Variants in CTNNA3 observed in about 807,000 individuals in gnomAD.
CTNNA3 encodes catenin alpha 3.
CTNNA3 carries 76 observed loss-of-function variants against 95.7 expected under a neutral mutation model. That is an observed-to-expected ratio of 0.79 (90% confidence interval 0.66 to 0.96). The LOEUF (loss-of-function observed/expected upper bound fraction) is 0.96. Among genes scored for constraint, CTNNA3 ranks in the 40% least tolerant of loss-of-function variants. The pLI, the probability that CTNNA3 is intolerant of heterozygous loss-of-function variation, is 0.00. For synonymous variants in CTNNA3, 431 were observed against 374.4 expected (o/e 1.15, Z -1.74); for missense variants, 1,191 against 1,089.8 (o/e 1.09, Z -1.31).
chr10:66,549,981 G>A (rs1309014486), intron 10 of CTNNA3, among the ~76,000 whole-genome samples: 5 of 152,044 alleles, frequency 3.3e-5, no homozygotes, highest in Non-Finnish European at 5.9e-5. Context: ...AGATAAAGAC[G>A]TATCTTTAAT....
chr10:66,876,641 G>A (rs1844633078), intron 7 of CTNNA3, among the ~76,000 whole-genome samples: 2 of 151,932 alleles, frequency 1.3e-5, no homozygotes, highest in African/African-American at 4.8e-5. Context: ...GGCCTTATTA[G>A]AATTTTTTTT....
intron 7 of CTNNA3, among the ~76,000 whole-genome samples, chr10:67,113,528 C>T (rs937003818): frequency 2.0e-5 from 3 of 152,136 alleles, no homozygotes; most frequent in African/African-American, 4.8e-5. Flanking sequence ...CTCAGGTGAT[C>T]GGTTAGAGTC....
At chr10:66,495,472 T>C (rs920281419) in intron 11 of CTNNA3, among the ~76,000 whole-genome samples, 9 of 152,186 alleles carry the variant, frequency 5.9e-5, no homozygotes, top group Admixed American at 1.3e-4. Context: ...ATTGTTTATA[T>C]ATTTTGTTAG....
intron 13 of CTNNA3, among the ~76,000 whole-genome samples, chr10:66,252,784 G>A (rs1349172202): frequency 2.6e-5 from 4 of 152,272 alleles, no homozygotes; most frequent in South Asian, 4.1e-4. Context: ...AGGAACCATC[G>A]GAGGATGATG....
intron 15 of CTNNA3, among the ~76,000 whole-genome samples, chr10:66,010,891 T>A (rs2078993009): frequency 6.6e-6 from 1 of 152,186 alleles, no homozygotes; most frequent in Non-Finnish European, 1.5e-5. Flanking sequence ...GTTTGGGTCT[T>A]GAAAACTAGA....
chr10:67,579,014 TATATATATATATATATATAC>T (rs1182719396), intron 3 of CTNNA3, among the ~76,000 whole-genome samples: 2,290 of 119,204 alleles, frequency 0.019, 42 homozygotes, highest in South Asian at 0.048. Context: ...TATATATATA[TATATATATATATATATATAC>T]ACACACACAC....
At chr10:66,785,434 T>C (rs1232182253) in intron 7 of CTNNA3, among the ~76,000 whole-genome samples, 1 of 152,192 alleles carries the variant, frequency 6.6e-6, no homozygotes, top group African/African-American at 2.4e-5. Flanking sequence ...GTTGAGGGGC[T>C]GGGTAGAACA....
chr10:66,926,064 G>A (rs755949685), intron 7 of CTNNA3: 7 of 457,228 alleles, frequency 1.5e-5, no homozygotes, highest in Admixed American at 2.3e-5. Flanking sequence ...CAGAATGACA[G>A]TCTGCAGAAG....
At position 65,966,624 on chromosome 10, in the gene CTNNA3, G is replaced by A; in HGVS notation, c.2388C>T (p.Leu796=). Residue 796 remains leucine (L), a synonymous_variant, in exon 17 of 18, where the codon CTC becomes CTT. Coordinates refer to ENST00000433211, the MANE Select transcript of CTNNA3 (RefSeq NM_013266.4). The part of the protein sequence containing the change: ...KAEIQNLGGE[L]IMSALDSVTS... ...AGGCAGTACTCACAGCTGACATGATGAGCTCTCCTCCCAGGTTCTGGATCT... is the reference window on the plus strand; with the variant it reads ...AGGCAGTACTCACAGCTGACATGATAAGCTCTCCTCCCAGGTTCTGGATCT... 5.0e-6 allele frequency: 8 copies of A among 1,613,584 alleles called. No homozygotes were observed. Among genetic ancestry groups the A allele is most frequent in the Non-Finnish European group, 6.8e-6 (8 of 1,179,666 alleles).
rs142775909 is a variant in CTNNA3 at position 65,934,461 on chromosome 10, A to T, written c.2401-13844T>A. On this transcript the variant is annotated intron_variant, in intron 17 of 17. Transcript: ENST00000433211. ...CAGGTCATAACTTTACTTAAGCATGACTAGTCCATTTGCTGTTGCTCATCT... is the reference window on the plus strand; with the variant it reads ...CAGGTCATAACTTTACTTAAGCATGTCTAGTCCATTTGCTGTTGCTCATCT... Among the ~76,000 whole-genome samples the T allele has an allele frequency of 3.0e-4, 45 of 152,230 alleles. 1 individual carries two copies. Among genetic ancestry groups the T allele is most frequent in the African/African-American group, 1.1e-3 (44 of 41,556 alleles).
At chr10:67,166,364 GT>G (rs898280880) in intron 7 of CTNNA3, among the ~76,000 whole-genome samples, 2 of 151,586 alleles carry the variant, frequency 1.3e-5, no homozygotes, top group South Asian at 2.1e-4. Flanking sequence ...AGCTTTCTTG[GT>G]TTTTTTTCAC....
chr10:67,561,092 T>C (rs1841493512), intron 3 of CTNNA3, among the ~76,000 whole-genome samples: 1 of 146,396 alleles, frequency 6.8e-6, no homozygotes, highest in African/African-American at 2.7e-5. Flanking sequence ...GACAGAAAGT[T>C]AACAAGGATA....
intron 3 of CTNNA3, among the ~76,000 whole-genome samples, chr10:67,583,010 C>T (rs10997736): frequency 0.13 from 19,134 of 151,500 alleles, 2,229 homozygotes; most frequent in African/African-American, 0.3. Context: ...TGACTCTTTA[C>T]CCAATTTGCC....
chr10:67,327,237 C>T (rs1841576600), intron 5 of CTNNA3, among the ~76,000 whole-genome samples: 1 of 152,178 alleles, frequency 6.6e-6, no homozygotes, highest in African/African-American at 2.4e-5. Context: ...TTTCAGCCAT[C>T]TCAATCCAGT....
chr10:66,424,549 C>T (rs1215545672), intron 11 of CTNNA3, among the ~76,000 whole-genome samples: 1 of 151,956 alleles, frequency 6.6e-6, no homozygotes, highest in African/African-American at 2.4e-5. Flanking sequence ...TTTTCTTTTA[C>T]ATATTAGATA....
intron 7 of CTNNA3, among the ~76,000 whole-genome samples, chr10:67,064,019 C>T (rs969650299): frequency 3.9e-5 from 6 of 152,156 alleles, no homozygotes; most frequent in African/African-American, 9.7e-5. Context: ...CCTCTATGCA[C>T]GTGTGCTTTG....
At chr10:67,300,384 C>T (rs1840218309) in intron 5 of CTNNA3, among the ~76,000 whole-genome samples, 1 of 152,154 alleles carries the variant, frequency 6.6e-6, no homozygotes, top group Admixed American at 6.5e-5. Flanking sequence ...CATCTCCTTC[C>T]TACAGAGGAC....
intron 3 of CTNNA3, among the ~76,000 whole-genome samples, chr10:67,542,701 AT>A (rs1462151261): frequency 1.5e-4 from 23 of 152,176 alleles, no homozygotes; most frequent in African/African-American, 5.5e-4. Flanking sequence ...ACAGAGGAGG[AT>A]CTACCTCTGC....
chr10:66,149,161 T>C (rs1459458840), intron 13 of CTNNA3, among the ~76,000 whole-genome samples: 1 of 148,524 alleles, frequency 6.7e-6, no homozygotes, highest in Non-Finnish European at 1.5e-5. Flanking sequence ...TATATGTATA[T>C]ATAAAGCTAA....
Sources: gnomAD v4.1 joint callset for allele counts (sites outside exome capture counted in the v4.1 genomes callset) on GRCh38, gnomAD v4.1.1 for gene constraint, MANE v1.5 for transcripts, NCBI Gene and HGNC (gene_info 2026-07-23, HGNC 2026-07-21) for gene names.